The following DEF8 variants were observed in gnomAD, a reference collection of about 807,000 sequenced individuals.
The protein encoded by DEF8 is differentially expressed in FDCP 8 homolog, also known as DEF-8.
In DEF8, 38 loss-of-function variants were observed where a neutral mutation model predicts 59.1. That is an observed-to-expected ratio of 0.64 (90% CI 0.50 to 0.84). The LOEUF (loss-of-function observed/expected upper bound fraction) is 0.84, where lower values mean the gene tolerates loss of function less well. Among genes scored for constraint, DEF8 ranks in the 40% least tolerant of loss-of-function variants. The pLI is 0.00. For missense variants in DEF8, 557 were observed against 615.2 expected (o/e 0.91, Z 1.00); for synonymous variants, 265 against 250.1 (o/e 1.06, Z -0.56).
rs1283388487 is a variant in DEF8 at position 89,957,541 on chromosome 16, C to T, written c.253C>T (p.Leu85=). 2.5e-6 allele frequency: 4 copies of T among 1,592,504 alleles called. No homozygotes were observed. Among genetic ancestry groups the T allele is most frequent in the Non-Finnish European group, 3.4e-6 (4 of 1,170,066 alleles). The change falls in exon 5 of 13, where the codon CTG becomes TTG. Residue 85 remains leucine, a synonymous_variant. Transcript: ENST00000563594. ...GLFLASDVQQ[L]RQAIEECKQV... ...GTTCCTGGCCTCTGACGTCCAGCAG[C>T]TGCGGCAGGCGATCGAGGAGTGCAA... is the stretch of plus-strand genomic sequence containing the variant.
rs533176729 is a variant in DEF8, at chr16:89,967,752, C to G, written c.*1789C>G. The G allele has an allele frequency of 3.3e-4, 106 of 324,528 alleles. No individual in the cohort carries two copies. Among genetic ancestry groups the G allele is most frequent in the Non-Finnish European group, 5.2e-4 (93 of 179,822 alleles). The allele number at this position is 324,528 out of a possible 1,614,324, so 20.1% of individuals were successfully genotyped here. ...TCTGTGTAATCAACTTCACATTATT[C>G]AAGTTACAAATCACTGTGTCCATAG... On this transcript the variant is annotated 3_prime_UTR_variant, in exon 13 of 13. Coordinates refer to ENST00000563594, the MANE Select transcript of DEF8 (RefSeq NM_001242818.2).
intron 1 of DEF8, 63 bp from the exon 2 acceptor site, chr16:89,949,354 G>A: frequency 7.2e-7 from 1 of 1,387,332 alleles, no homozygotes; most frequent in Non-Finnish European, 9.8e-7. Flanking sequence ...CCGGGAGACC[G>A]GGCGAGCTCC....
chr16:89,955,003 G>C (rs186730946), intron 3 of DEF8, among the ~76,000 whole-genome samples, 166 bp from the exon 4 acceptor site: 62 of 152,268 alleles, frequency 4.1e-4, no homozygotes, highest in Non-Finnish European at 7.6e-4. Context: ...TGTGAATGCA[G>C]ACTGGACGGT....
chr16:89,959,246 G>A (rs998807761), intron 6 of DEF8, 91 bp downstream of exon 6: 1 of 1,580,800 alleles, frequency 6.3e-7, no homozygotes. Flanking sequence ...GCTATCCAGT[G>A]TGGTGGCCAC....
intron 2 of DEF8, chr16:89,952,506 C>T (rs1188929287): frequency 6.6e-6 from 1 of 152,216 alleles, no homozygotes; most frequent in Non-Finnish European, 1.5e-5. Context: ...GGTCTAGCTG[C>T]TGGGGAGGCT....
chr16:89,949,643 G>C, intron 2 of DEF8, 130 bp downstream of exon 2: 3 of 1,607,820 alleles, frequency 1.9e-6, no homozygotes, highest in Non-Finnish European at 2.5e-6. Flanking sequence ...GGCCAGGTCC[G>C]TGCATCCCGC....
At chr16:89,953,430 G>C (rs2032553454) in intron 2 of DEF8, among the ~76,000 whole-genome samples, 1 of 152,192 alleles carries the variant, frequency 6.6e-6, no homozygotes, top group Admixed American at 6.5e-5. Flanking sequence ...TGAGCCTCCG[G>C]GTGGGGAAAG....
chr16:89,950,345 A>G (rs948904633), intron 2 of DEF8: 1 of 984,112 alleles, frequency 1.0e-6, no homozygotes, highest in Non-Finnish European at 1.2e-6. Context: ...GTTCCCCCTG[A>G]TTTATAGGCA....
intron 4 of DEF8, 123 bp downstream of exon 4, chr16:89,955,389 T>G (rs2032989666): frequency 2.6e-6 from 2 of 779,188 alleles, no homozygotes; most frequent in Non-Finnish European, 4.3e-6. Flanking sequence ...GGGTACAGTC[T>G]CACTCCATTG....
At chr16:89,951,890 T>TC (rs1463428175) in intron 2 of DEF8, among the ~76,000 whole-genome samples, 1 of 151,856 alleles carries the variant, frequency 6.6e-6, no homozygotes, top group Non-Finnish European at 1.5e-5. Flanking sequence ...GATTTTTTTT[T>TC]TTTTTGATAT....
chr16:89,961,977 G>A, intron 8 of DEF8, 35 bp from the exon 9 acceptor site: 1 of 1,611,306 alleles, frequency 6.2e-7, no homozygotes, highest in Non-Finnish European at 8.5e-7. Flanking sequence ...GGCCCTGGGT[G>A]GGTGTGAGAG....
At chr16:89,950,292 A>G (rs1254567446) in intron 2 of DEF8, 3 of 985,436 alleles carry the variant, frequency 3.0e-6, no homozygotes, top group East Asian at 1.1e-4. Context: ...CACTGACATC[A>G]TAAACAAGTC....
At chr16:89,955,064 C>A in intron 3 of DEF8, 105 bp from the exon 4 acceptor site, 1 of 858,278 alleles carries the variant, frequency 1.2e-6, no homozygotes, top group Non-Finnish European at 1.9e-6. Flanking sequence ...TTCTGTGCGG[C>A]TTCCTGAATC....
intron 11 of DEF8, 28 bp downstream of exon 11, chr16:89,964,338 C>T: frequency 1.3e-6 from 2 of 1,565,414 alleles, no homozygotes; most frequent in Non-Finnish European, 1.7e-6. Context: ...GGCCGCTCTT[C>T]TCCAACCCCA....
intron 5 of DEF8, among the ~76,000 whole-genome samples, chr16:89,958,794 C>T (rs530902858): frequency 2.0e-5 from 3 of 152,240 alleles, no homozygotes; most frequent in South Asian, 4.1e-4. Context: ...TGGGAAAGGT[C>T]GCAAGGGATG....
At position 89,967,585 on chromosome 16, in the gene DEF8, T is replaced by A. The variant is rs2151234164; in HGVS notation, c.*1622T>A. 2.5e-6 allele frequency: 1 copy of A among 397,806 alleles called. No homozygotes were observed. The highest frequency in any genetic ancestry group is 2.1e-5 in the African/African-American group (1 of 48,716). The allele number at this position is 397,806 out of a possible 1,614,324, so 24.6% of individuals were successfully genotyped here. ...GTGATGTGAGGTTGGATCAACAGTG[T>A]GGGTTCCTGTCCTGTTTCCCCTTCC... On this transcript the variant is annotated 3_prime_UTR_variant, in exon 13 of 13. Transcript: ENST00000563594.
At chr16:89,955,090 G>GCTATCTCAGCTCCTCC (rs2032919238) in intron 3 of DEF8, 79 bp from the exon 4 acceptor site, 3 of 1,143,712 alleles carry the variant, frequency 2.6e-6, no homozygotes, top group Non-Finnish European at 3.9e-6. Context: ...CCCACTCCTG[G>GCTATCTCAGCTCCTCC]CTATCTCAGC....
intron 2 of DEF8, among the ~76,000 whole-genome samples, chr16:89,951,681 G>A (rs1597456568): frequency 6.6e-6 from 1 of 152,232 alleles, no homozygotes; most frequent in Middle Eastern, 3.4e-3. Flanking sequence ...CTGCAATCAC[G>A]TCACTCTCCC....
intron 1 of DEF8, 142 bp from the exon 2 acceptor site, chr16:89,949,274 TG>T (rs976881288): frequency 1.5e-6 from 1 of 686,570 alleles, no homozygotes; most frequent in African/African-American, 1.9e-5. Context: ...GCCCCCGCCC[TG>T]GGCTGCTCCG....
Sources: allele counts gnomAD v4.1 joint callset (sites outside exome capture counted in the v4.1 genomes callset), GRCh38; gene constraint gnomAD v4.1.1; transcripts MANE v1.5; gene names NCBI Gene and HGNC (gene_info 2026-07-23, HGNC 2026-07-21).